SEC14L1: variants seen among roughly 807,000 people sequenced by gnomAD.
SEC14L1 encodes SEC14 like lipid binding 1, also known as SEC14-like protein 1.
Under a neutral mutation model 85.3 loss-of-function variants are expected in SEC14L1, and 48 were observed. The ratio of observed to expected loss-of-function variants is 0.56; its 90% CI spans 0.45 to 0.72. SEC14L1 has a LOEUF of 0.72. Among genes scored for constraint, SEC14L1 ranks in the 30% least tolerant of loss-of-function variants. The pLI, the probability that SEC14L1 is intolerant of heterozygous loss-of-function variation, is 0.00. For synonymous variants in SEC14L1, 391 were observed against 355.5 expected, an observed-to-expected ratio of 1.10 and a Z score of -1.12; for missense variants, 682 against 921.4, an observed-to-expected ratio of 0.74 and a Z score of 3.36.
chr17:77,195,819 A>T (rs1284243827), intron 7 of SEC14L1, among the ~76,000 whole-genome samples: 1 of 152,036 alleles, frequency 6.6e-6, no homozygotes, highest in Non-Finnish European at 1.5e-5. Context: ...CATTCAAAAT[A>T]GATTTAGATT....
chr17:77,174,467 C>G (rs1286005105), intron 3 of SEC14L1, among the ~76,000 whole-genome samples: 1 of 152,194 alleles, frequency 6.6e-6, no homozygotes, highest in African/African-American at 2.4e-5. Flanking sequence ...CTTTCAACCT[C>G]CAGGATGTCC....
At chr17:77,165,408 C>A (rs1436752653) in intron 3 of SEC14L1, among the ~76,000 whole-genome samples, 1 of 152,060 alleles carries the variant, frequency 6.6e-6, no homozygotes, top group Non-Finnish European at 1.5e-5. Context: ...GTAAGATGTA[C>A]ATTGGTGCTG....
At chr17:77,106,352 T>C (rs964640976) in intron 3 of SEC14L1, among the ~76,000 whole-genome samples, 19 of 151,990 alleles carry the variant, frequency 1.3e-4, no homozygotes, top group Admixed American at 6.6e-5. Context: ...GCCAATATGG[T>C]GAAACCCCGT....
Position 77,190,936 on chromosome 17 carries a change from C to A in SEC14L1, c.197C>A (p.Pro66His). The change falls in exon 4 of 17, where the codon CCC becomes CAC. Residue 66 changes from proline (P) to histidine (H), a missense_variant. Pro to His is a moderately conservative substitution (Grantham distance 77). Coordinates refer to ENST00000436233, the MANE Select transcript of SEC14L1 (RefSeq NM_001143998.2). ...CGCTGCAAGCTGGATGTAGATGCACCCAGACTGCTGAAGAAGGTAAAGGTC... is the reference window on the plus strand; with the variant it reads ...CGCTGCAAGCTGGATGTAGATGCACACAGACTGCTGAAGAAGGTAAAGGTC... ...ERRCKLDVDA[P>H]RLLKKIAGVD... The A allele has an allele frequency of 6.2e-7, 1 of 1,613,966 alleles. No homozygotes were observed.
intron 3 of SEC14L1, among the ~76,000 whole-genome samples, chr17:77,110,198 G>A (rs1181000208): frequency 2.6e-5 from 4 of 152,148 alleles, no homozygotes; most frequent in Non-Finnish European, 5.9e-5. Flanking sequence ...TTTTCTGCTC[G>A]AGTAATTACA....
At chr17:77,200,957 G>T (rs1567929237) in intron 9 of SEC14L1, among the ~76,000 whole-genome samples, 1 of 152,248 alleles carries the variant, frequency 6.6e-6, no homozygotes, top group Non-Finnish European at 1.5e-5. Flanking sequence ...GTGCAGTACA[G>T]TTTGTTTTGA....
intron 2 of SEC14L1, among the ~76,000 whole-genome samples, chr17:77,091,814 A>T (rs988003751): frequency 1.2e-4 from 17 of 144,778 alleles, no homozygotes; most frequent in Admixed American, 1.4e-4. Context: ...AGTTTATGAA[A>T]TTTTTTTTTT....
intron 3 of SEC14L1, among the ~76,000 whole-genome samples, chr17:77,176,386 G>A (rs1282990306): frequency 6.6e-6 from 1 of 152,112 alleles, no homozygotes; most frequent in Non-Finnish European, 1.5e-5. Context: ...ATGAGAAGGT[G>A]GGTTCTCAGT....
intron 3 of SEC14L1, among the ~76,000 whole-genome samples, chr17:77,170,987 A>T (rs760611070): frequency 6.6e-5 from 10 of 152,192 alleles, no homozygotes; most frequent in Admixed American, 3.3e-4. Context: ...GAGATGATCT[A>T]CTATTATTAA....
chr17:77,131,902 T>G (rs997632945), intron 3 of SEC14L1, among the ~76,000 whole-genome samples: 2 of 152,172 alleles, frequency 1.3e-5, no homozygotes, highest in Non-Finnish European at 2.9e-5. Context: ...ATAGGGAGTT[T>G]GCCTCTCCAG....
rs767548190 is a variant in SEC14L1 at position 77,212,054 on chromosome 17, A to G, written c.1716A>G (p.Gln572=). The change falls in exon 15 of 17, where the codon CAA becomes CAG. Residue 572 remains glutamine, a synonymous_variant. Transcript: ENST00000436233. ...FNIYHSKRSP[Q]PPKKDSLGAH... ...TCTATCACTCCAAGAGGTCGCCACA[A>G]CCACCCAAAAAGGACTCCCTGGGAG... is the stretch of plus-strand genomic sequence containing the variant. 1.2e-6 allele frequency: 2 copies of G among 1,614,014 alleles called. No homozygotes were observed. The highest frequency in any genetic ancestry group is 1.7e-6 in the Non-Finnish European group (2 of 1,180,002).
chr17:77,169,700 A>G (rs1598337822), intron 3 of SEC14L1, among the ~76,000 whole-genome samples: 1 of 152,296 alleles, frequency 6.6e-6, no homozygotes, highest in Middle Eastern at 3.4e-3. Context: ...AAGAAGGTGA[A>G]GGGGGTTGAG....
At chr17:77,197,392 C>A (rs148459805) in intron 8 of SEC14L1, among the ~76,000 whole-genome samples, 1 of 152,276 alleles carries the variant, frequency 6.6e-6, no homozygotes, top group South Asian at 2.1e-4. Flanking sequence ...AAGATTCCTG[C>A]GTGTTAGTCA....
intron 3 of SEC14L1, among the ~76,000 whole-genome samples, chr17:77,124,974 CTAT>C (rs10569580): frequency 0.22 from 19,550 of 87,344 alleles, 1,640 homozygotes; most frequent in South Asian, 0.34. Context: ...AGTGGATTTA[CTAT>C]TATTATTATT....
chr17:77,091,249 G>A (rs558626984), intron 2 of SEC14L1, among the ~76,000 whole-genome samples: 3 of 152,066 alleles, frequency 2.0e-5, no homozygotes, highest in Admixed American at 6.6e-5. Flanking sequence ...CACCATGCCC[G>A]GCTAATTTTT....
At position 77,172,841 on chromosome 17, in the gene SEC14L1, A is replaced by G. The variant is rs75122032; in HGVS notation, c.64-17962A>G. Among the ~76,000 whole-genome samples, 1,192 of 152,244 alleles carry G rather than the reference A, an allele frequency of 7.8e-3. 20 individuals are homozygous for G. Among genetic ancestry groups the G allele is most frequent in the African/African-American group, 0.027 (1,114 of 41,534 alleles). ...GAATACAGATTTTTGAGTTCCTTTAATTATCAGTTCTCCAAGGTCTTGCAT... is the reference window on the plus strand; with the variant it reads ...GAATACAGATTTTTGAGTTCCTTTAGTTATCAGTTCTCCAAGGTCTTGCAT... On this transcript the variant is annotated intron_variant, in intron 3 of 16. Coordinates refer to ENST00000436233, the MANE Select transcript of SEC14L1 (RefSeq NM_001143998.2).
intron 3 of SEC14L1, among the ~76,000 whole-genome samples, chr17:77,132,226 ATT>A (rs1333203539): frequency 1.2e-4 from 16 of 133,320 alleles, no homozygotes; most frequent in Admixed American, 1.5e-4. Flanking sequence ...TCTGCATGGA[ATT>A]TTTTTTTTTT....
At chr17:77,182,639 T>C (rs901252285) in intron 3 of SEC14L1, among the ~76,000 whole-genome samples, 1 of 152,196 alleles carries the variant, frequency 6.6e-6, no homozygotes, top group Non-Finnish European at 1.5e-5. Context: ...TCGTCCAGCC[T>C]TTCTTGACTG....
intron 4 of SEC14L1, 44 bp downstream of exon 4, chr17:77,190,996 T>A (rs780224587): frequency 1.2e-6 from 2 of 1,601,910 alleles, no homozygotes; most frequent in Admixed American, 1.7e-5. Flanking sequence ...GGCGTCCTGG[T>A]GGGAGAGGGC....
Sources: allele counts gnomAD v4.1 joint callset (sites outside exome capture counted in the v4.1 genomes callset), GRCh38; gene constraint gnomAD v4.1.1; transcripts MANE v1.5; gene names NCBI Gene and HGNC (gene_info 2026-07-23, HGNC 2026-07-21).